Variants in AMOTL1 observed in about 807,000 individuals in gnomAD.
AMOTL1 encodes the protein angiomotin-like protein 1.
Under a neutral mutation model 102.9 loss-of-function variants are expected in AMOTL1, and 45 were observed. The observed-to-expected ratio is 0.44, with a 90% confidence interval of 0.34 to 0.56. AMOTL1 has a LOEUF of 0.56. Among genes scored for constraint, AMOTL1 ranks in the 20% least tolerant of loss-of-function variants. The probability of loss-of-function intolerance (pLI) is 0.01; values close to 1 mark genes in which losing one functional copy is unlikely to be tolerated. For missense variants in AMOTL1, 1,114 were observed against 1,225.6 expected (o/e 0.91, Z 1.36); for synonymous variants, 481 against 484.7 (o/e 0.99, Z 0.10).
At chr11:94,754,484 A>T (rs1950697256) in intron 3 of AMOTL1, among the ~76,000 whole-genome samples, 1 of 152,178 alleles carries the variant, frequency 6.6e-6, no homozygotes, top group Admixed American at 6.5e-5. Context: ...TCCTTCCTCA[A>T]ATGCTGTCCA....
At chr11:94,707,252 G>C (rs7111461) in intron 1 of AMOTL1, among the ~76,000 whole-genome samples, 192 of 72,444 alleles carry the variant, frequency 2.7e-3, no homozygotes, top group African/African-American at 6.9e-3. Context: ...CTCTCTCTCT[G>C]TGTGTGTGTG....
chr11:94,786,477 C>T (rs369366189), intron 1 of AMOTL1, among the ~76,000 whole-genome samples: 84 of 152,336 alleles, frequency 5.5e-4, no homozygotes, highest in African/African-American at 1.9e-3. Context: ...GGCTCAGGAC[C>T]TGCCTGTGGG....
chr11:94,781,626 G>A (rs1224803317), intron 1 of AMOTL1, among the ~76,000 whole-genome samples: 1 of 152,108 alleles, frequency 6.6e-6, no homozygotes, highest in Non-Finnish European at 1.5e-5. Context: ...CACGAGGTCA[G>A]GAGATCGAGA....
chr11:94,716,689 T>A (rs1950102908), intron 1 of AMOTL1, among the ~76,000 whole-genome samples: 1 of 152,076 alleles, frequency 6.6e-6, no homozygotes. Flanking sequence ...CCTGTTCAGG[T>A]TTGCTAATGC....
At chr11:94,745,741 CTTTTA>C (rs1209582859) in intron 3 of AMOTL1, among the ~76,000 whole-genome samples, 1 of 152,116 alleles carries the variant, frequency 6.6e-6, no homozygotes, top group African/African-American at 2.4e-5. Flanking sequence ...TCAGGAAGTG[CTTTTA>C]TTTTATTGTT....
At chr11:94,712,286 G>A (rs1281291385) in intron 1 of AMOTL1, among the ~76,000 whole-genome samples, 7 of 151,914 alleles carry the variant, frequency 4.6e-5, no homozygotes, top group Non-Finnish European at 8.8e-5. Flanking sequence ...TGGGATAGCT[G>A]GCTAGCTATA....
intron 3 of AMOTL1, among the ~76,000 whole-genome samples, chr11:94,742,576 T>G (rs1405769021): frequency 6.6e-6 from 1 of 152,222 alleles, no homozygotes; most frequent in Non-Finnish European, 1.5e-5. Flanking sequence ...CTGATAAATA[T>G]GAGTATCCTT....
At chr11:94,785,537 G>C (rs958047455) in intron 1 of AMOTL1, among the ~76,000 whole-genome samples, 1 of 152,150 alleles carries the variant, frequency 6.6e-6, no homozygotes, top group Admixed American at 6.5e-5. Flanking sequence ...TAGTTTCTTG[G>C]AGATATTGGT....
At chr11:94,815,043 G>A (rs892323208) in intron 3 of AMOTL1, among the ~76,000 whole-genome samples, 1 of 152,086 alleles carries the variant, frequency 6.6e-6, no homozygotes, top group Non-Finnish European at 1.5e-5. Context: ...TAGACTTTGA[G>A]CCAAATGCTT....
chr11:94,777,625 T>A (rs1451983041), intron 1 of AMOTL1, among the ~76,000 whole-genome samples: 2 of 152,186 alleles, frequency 1.3e-5, no homozygotes, highest in African/African-American at 2.4e-5. Flanking sequence ...GTGTAATTGT[T>A]TGTTCATAAA....
At chr11:94,764,668 A>G (rs1347038480), upstream of AMOTL1, among the ~76,000 whole-genome samples, 2 of 152,206 alleles carry the variant, frequency 1.3e-5, no homozygotes, top group African/African-American at 4.8e-5. Context: ...CTTAGGGCCC[A>G]TTCAGTGAAA....
In AMOTL1 at chr11:94,707,242, CTCTCTCTCTGTG is replaced by C. The variant is rs61244034; in HGVS notation, c.-51+647_-51+658del. Among the ~76,000 whole-genome samples, 480 of 50,592 alleles carry C rather than the reference CTCTCTCTCTGTG, an allele frequency of 9.5e-3. 2 individuals are homozygous for C. The highest frequency in any genetic ancestry group is 0.05 in the Middle Eastern group (3 of 60). The allele number at this position is 50,592 out of a possible 152,430, so 33.2% of individuals were successfully genotyped here. On this transcript the variant is annotated intron_variant, in intron 1 of 4. Coordinates refer to the AMOTL1 transcript ENST00000299004. ...TCTCTCTCTCTCTCTCTCTCTCTCT[CTCTCTCTCTGTG>C]TGTGTGTGTGTGTGTGTGTGTGTGT... is the stretch of plus-strand genomic sequence containing the variant.
chr11:94,867,409 C>A (rs193083), intron 11 of AMOTL1, among the ~76,000 whole-genome samples: 22,938 of 152,142 alleles, frequency 0.15, 3,930 homozygotes, highest in African/African-American at 0.42. Flanking sequence ...GCTCTGGTAG[C>A]AACCTCCCTG....
intron 3 of AMOTL1, among the ~76,000 whole-genome samples, chr11:94,819,338 A>C (rs1951821945): frequency 6.6e-6 from 1 of 152,152 alleles, no homozygotes; most frequent in Non-Finnish European, 1.5e-5. Context: ...CCTGCCTCAC[A>C]ATTTCCCCAC....
rs1953068447 is a variant in AMOTL1 at position 94,874,822 on chromosome 11, C to T, written c.*4027C>T. On this transcript the variant is annotated 3_prime_UTR_variant, in exon 13 of 13. Transcript: ENST00000433060. ...ATTGGGGCATTAAAAGCTTTTGAGG[C>T]AGGGGGCTCATGTTTTGACTGCAGG... 1 of 152,172 alleles carries T rather than the reference C, an allele frequency of 6.6e-6. No individual in the cohort carries two copies. Among genetic ancestry groups the T allele is most frequent in the South Asian group, 2.1e-4 (1 of 4,812 alleles). 9.4% of individuals were successfully genotyped at this position (152,172 alleles called of 1,614,324 possible).
chr11:94,820,858 C>A (rs1264636106), intron 3 of AMOTL1, among the ~76,000 whole-genome samples: 1 of 152,176 alleles, frequency 6.6e-6, no homozygotes, highest in Non-Finnish European at 1.5e-5. Context: ...CTATGAGAAT[C>A]TAATGCCACT....
intron 2 of AMOTL1, among the ~76,000 whole-genome samples, chr11:94,795,841 T>C (rs1951356736): frequency 6.6e-6 from 1 of 152,256 alleles, no homozygotes. Context: ...TTAAAATGTT[T>C]TAAAATTTTT....
At chr11:94,835,861 G>A (rs1183427925) in intron 6 of AMOTL1, among the ~76,000 whole-genome samples, 1 of 152,202 alleles carries the variant, frequency 6.6e-6, no homozygotes, top group African/African-American at 2.4e-5. Context: ...TGAGTCATGG[G>A]TGTAAATGAG....
At chr11:94,717,596 G>T (rs1387968255) in intron 1 of AMOTL1, among the ~76,000 whole-genome samples, 1 of 151,796 alleles carries the variant, frequency 6.6e-6, no homozygotes, top group East Asian at 1.9e-4. Flanking sequence ...GCAATAAAAA[G>T]AATTTTTAAA....
Sources: allele counts gnomAD v4.1 joint callset (sites outside exome capture counted in the v4.1 genomes callset), GRCh38; gene constraint gnomAD v4.1.1; transcripts MANE v1.5; gene names NCBI Gene and HGNC (gene_info 2026-07-23, HGNC 2026-07-21).